Variants in SV2C observed in about 807,000 individuals in gnomAD.
SV2C encodes synaptic vesicle glycoprotein 2C.
Under a neutral mutation model 79.7 loss-of-function variants are expected in SV2C, and 49 were observed. The observed-to-expected ratio is 0.61, with a 90% CI of 0.49 to 0.78. SV2C has a LOEUF of 0.78. Ranked by LOEUF, SV2C falls within the 30% of genes least tolerant of loss-of-function variation. SV2C has a pLI of 0.00. For synonymous variants in SV2C, 334 were observed against 333.2 expected, an observed-to-expected ratio of 1.00 and a Z score of -0.03; for missense variants, 833 against 912.9, an observed-to-expected ratio of 0.91 and a Z score of 1.13.
chr5:75,996,995 G>C, the SV2C span, among the ~76,000 whole-genome samples: 1 of 148,106 alleles, frequency 6.8e-6, no homozygotes, highest in Non-Finnish European at 1.5e-5. Flanking sequence ...CTGCCTGACT[G>C]TCCTGGCCAG....
chr5:76,120,557 C>T (rs1299837502), intron 1 of SV2C, among the ~76,000 whole-genome samples: 1 of 132,462 alleles, frequency 7.5e-6, no homozygotes, highest in East Asian at 2.4e-4. Flanking sequence ...GTGATGTTCC[C>T]CTTCCTGTGT....
the SV2C span, among the ~76,000 whole-genome samples, chr5:75,983,291 C>T: frequency 7.7e-3 from 1,165 of 152,032 alleles, 23 homozygotes; most frequent in East Asian, 0.04. Flanking sequence ...ATTATGTGGC[C>T]GAAGAGCAGC....
At chr5:75,926,431 C>A in the SV2C span, among the ~76,000 whole-genome samples, 4 of 152,140 alleles carry the variant, frequency 2.6e-5, no homozygotes, top group African/African-American at 9.7e-5. Flanking sequence ...TTCTTGCATT[C>A]TTTTTTGGTT....
the SV2C span, among the ~76,000 whole-genome samples, chr5:75,887,244 T>C: frequency 6.6e-6 from 1 of 152,190 alleles, no homozygotes; most frequent in African/African-American, 2.4e-5. Flanking sequence ...CTTTTAGCTA[T>C]TTTCAAGCAT....
At chr5:75,883,491 T>C in the SV2C span, among the ~76,000 whole-genome samples, 1,162 of 143,572 alleles carry the variant, frequency 8.1e-3, 18 homozygotes, top group African/African-American at 0.031. Context: ...ATATACACCA[T>C]GGAATACTAT....
the SV2C span, among the ~76,000 whole-genome samples, chr5:76,007,741 C>G: frequency 1.3e-5 from 2 of 152,128 alleles, no homozygotes; most frequent in Non-Finnish European, 2.9e-5. Flanking sequence ...CTGCTCTCAT[C>G]GAGCCTGTAT....
chr5:76,189,166 A>G (rs1328287101), intron 2 of SV2C, among the ~76,000 whole-genome samples: 1 of 151,982 alleles, frequency 6.6e-6, no homozygotes, highest in Non-Finnish European at 1.5e-5. Flanking sequence ...AGTCCAGGGT[A>G]CCTTGGCACC....
At chr5:76,091,164 G>A (rs1019110221) in intron 1 of SV2C, among the ~76,000 whole-genome samples, 24 of 152,150 alleles carry the variant, frequency 1.6e-4, no homozygotes, top group Admixed American at 1.6e-3. Flanking sequence ...ATCACTAGCT[G>A]CATTGAACAC....
the SV2C span, among the ~76,000 whole-genome samples, chr5:75,851,788 T>A: frequency 1.3e-5 from 2 of 152,362 alleles, no homozygotes; most frequent in South Asian, 2.1e-4. Flanking sequence ...CAGCTGGGAC[T>A]ACAGGCGCAT....
chr5:76,226,687 C>A (rs1745257169), intron 4 of SV2C, among the ~76,000 whole-genome samples: 1 of 152,148 alleles, frequency 6.6e-6, no homozygotes, highest in African/African-American at 2.4e-5. Context: ...CAGGAAGTTT[C>A]AAAGCAAGGT....
the SV2C span, among the ~76,000 whole-genome samples, chr5:75,947,612 G>A: frequency 6.6e-6 from 1 of 151,906 alleles, no homozygotes; most frequent in African/African-American, 2.4e-5. Flanking sequence ...GAAGTTGAGG[G>A]GTATCCTAAT....
intron 2 of SV2C, among the ~76,000 whole-genome samples, chr5:76,190,602 C>T (rs1744070069): frequency 6.6e-6 from 1 of 152,152 alleles, no homozygotes; most frequent in Non-Finnish European, 1.5e-5. Flanking sequence ...GAAATGAACA[C>T]AGAAGTCCAT....
chr5:76,058,324 C>T, the SV2C span, among the ~76,000 whole-genome samples: 1 of 152,052 alleles, frequency 6.6e-6, no homozygotes, highest in African/African-American at 2.4e-5. Context: ...TTTGATCTAC[C>T]CTGGAGTGCA....
chr5:76,106,570 T>C (rs1283390585), intron 1 of SV2C, among the ~76,000 whole-genome samples: 5 of 152,220 alleles, frequency 3.3e-5, no homozygotes, highest in Non-Finnish European at 5.9e-5. Context: ...TTCTCTTTCA[T>C]TACTCTGTTC....
At chr5:76,039,064 A>G in the SV2C span, among the ~76,000 whole-genome samples, 1 of 152,228 alleles carries the variant, frequency 6.6e-6, no homozygotes, top group South Asian at 2.1e-4. Flanking sequence ...ATACAGGACT[A>G]GACATTCAAG....
intron 1 of SV2C, among the ~76,000 whole-genome samples, chr5:76,127,977 T>G (rs1487178098): frequency 1.3e-5 from 2 of 152,180 alleles, no homozygotes; most frequent in Non-Finnish European, 2.9e-5. Flanking sequence ...GCTGACTCCT[T>G]ATGGCTAGGT....
At chr5:75,898,814 G>T in the SV2C span, among the ~76,000 whole-genome samples, 433 of 152,274 alleles carry the variant, frequency 2.8e-3, 10 homozygotes, top group East Asian at 0.035. Flanking sequence ...TATGTGTTGA[G>T]AAATTTATCC....
intron 5 of SV2C, 119 bp downstream of exon 5, chr5:76,285,414 A>G (rs1343093501): frequency 1.8e-5 from 25 of 1,419,272 alleles, no homozygotes; most frequent in Non-Finnish European, 2.2e-5. Flanking sequence ...CTATTATAGA[A>G]TGATGGAGGG....
At chr5:75,887,091 A>G in the SV2C span, among the ~76,000 whole-genome samples, 93 of 152,260 alleles carry the variant, frequency 6.1e-4, no homozygotes, top group African/African-American at 2.0e-3. Flanking sequence ...ATTGACTAAT[A>G]CAATTACATG....
Sources: allele counts gnomAD v4.1 joint callset (sites outside exome capture counted in the v4.1 genomes callset), GRCh38; gene constraint gnomAD v4.1.1; transcripts MANE v1.5; gene names NCBI Gene and HGNC (gene_info 2026-07-23, HGNC 2026-07-21).